Variants in NEK1 observed in about 807,000 individuals in gnomAD.
NEK1 encodes the protein serine/threonine-protein kinase Nek1.
Under a neutral mutation model 182.1 loss-of-function variants are expected in NEK1, and 137 were observed. That is an observed-to-expected ratio of 0.75 (90% CI 0.65 to 0.87). NEK1 has a LOEUF of 0.87. Ranked by LOEUF, NEK1 falls within the 40% of genes least tolerant of loss-of-function variation. The pLI, the probability that NEK1 is intolerant of heterozygous loss-of-function variation, is 0.00. For synonymous variants in NEK1, 513 were observed against 492.2 expected, an observed-to-expected ratio of 1.04 and a Z score of -0.56; for missense variants, 1,391 against 1,494.4, an observed-to-expected ratio of 0.93 and a Z score of 1.14.
rs1267472346 is a variant in NEK1 at position 169,508,412 on chromosome 4, TAAGG to T, written c.1750-85_1750-82del. On this transcript the variant is annotated intron_variant, in intron 20 of 35. Transcript: ENST00000507142. Reference sequence around the variant, plus strand: ...TTTACTGCTAGATTTTTTTTAAATTTAAGGAACAGTGTTAATTTGAACACAAGAA... The same window carrying T: ...TTTACTGCTAGATTTTTTTTAAATTTAACAGTGTTAATTTGAACACAAGAA... The T allele has an allele frequency of 1.6e-4, 178 of 1,138,690 alleles. No homozygotes were observed. In the East Asian group the frequency reaches 4.9e-3, roughly 31 times the overall value. 70.5% of individuals were successfully genotyped at this position (1,138,690 alleles called of 1,614,324 possible).
chr4:169,530,220 A>G lies in NEK1; in HGVS notation c.1665+7589T>C, dbSNP rs1250410590. 2.6e-5 allele frequency among the ~76,000 whole-genome samples: 4 copies of G among 152,262 alleles called. No individual in the cohort carries two copies. In the South Asian group the frequency reaches 6.2e-4, roughly 24 times the overall value. ...GCTATTTATACATGCAACAACTTGC[A>G]TGAATATCATTACAGTGCAGGAAAG... On this transcript the variant is annotated intron_variant, in intron 19 of 35. Coordinates refer to ENST00000507142, the MANE Select transcript of NEK1 (RefSeq NM_001199397.3).
At chr4:169,609,076 AAAG>A (rs1007052306) in intron 2 of NEK1, among the ~76,000 whole-genome samples, 12 of 151,926 alleles carry the variant, frequency 7.9e-5, no homozygotes, top group African/African-American at 2.4e-4. Context: ...AAAAAAAAAA[AAAG>A]AAGAAGAAAT....
intron 27 of NEK1, among the ~76,000 whole-genome samples, chr4:169,452,898 T>C (rs971646603): frequency 7.4e-6 from 1 of 134,776 alleles, no homozygotes; most frequent in Non-Finnish European, 1.5e-5. Flanking sequence ...ATGACATGAT[T>C]GTATATTTAA....
chr4:169,499,688 A>T (rs1189957710), intron 23 of NEK1, among the ~76,000 whole-genome samples: 2 of 152,210 alleles, frequency 1.3e-5, no homozygotes, highest in Non-Finnish European at 2.9e-5. Flanking sequence ...TTGCCTGGGT[A>T]TCAGCAGCGG....
At chr4:169,419,771 C>A (rs925024142) in intron 31 of NEK1, among the ~76,000 whole-genome samples, 2 of 152,088 alleles carry the variant, frequency 1.3e-5, no homozygotes, top group Non-Finnish European at 2.9e-5. Context: ...GCCTATTGTT[C>A]CTAGGCTACA....
chr4:169,394,369 C>G lies in NEK1; in HGVS notation c.*141G>C. The G allele has an allele frequency of 3.6e-6, 2 of 552,572 alleles. No individual in the cohort carries two copies. Among genetic ancestry groups the G allele is most frequent in the South Asian group, 5.0e-5 (2 of 40,174 alleles). 34.2% of individuals were successfully genotyped at this position (552,572 alleles called of 1,614,324 possible). A position where few individuals can be genotyped will look rare whatever the true frequency, so the allele number is the denominator to read the frequency against. On this transcript the variant is annotated 3_prime_UTR_variant, in exon 36 of 36. Transcript: ENST00000507142. ...ACTGAAAAATGGCATGTTTCTCCATCTTTTTCATGCAATAAGAAAGTCCAT... is the reference window on the plus strand; with the variant it reads ...ACTGAAAAATGGCATGTTTCTCCATGTTTTTCATGCAATAAGAAAGTCCAT...
intron 16 of NEK1, among the ~76,000 whole-genome samples, chr4:169,557,794 A>G (rs1215141848): frequency 6.6e-6 from 1 of 151,976 alleles, no homozygotes; most frequent in Non-Finnish European, 1.5e-5. Flanking sequence ...AGCCGGGCGC[A>G]GTGGCATGTG....
At position 169,477,271 on chromosome 4, in the gene NEK1, T is replaced by C; in HGVS notation, c.2287A>G (p.Thr763Ala). ...DEKGKQNLSD[T>A]FEINVHEDAK... ...TCTTCATGAACATTTATCTCAAAAG[T>C]ATCAGAGAGATTCTGCTTTCCTTTT... The change falls in exon 26 of 36, where the codon ACT becomes GCT. Residue 763 changes from threonine to alanine, a missense_variant. By Grantham distance (58) the Thr-to-Ala change is moderately conservative (BLOSUM62 0). Coordinates refer to ENST00000507142, the MANE Select transcript of NEK1 (RefSeq NM_001199397.3). The C allele has an allele frequency of 2.5e-6, 4 of 1,597,278 alleles. No individual in the cohort carries two copies. The highest frequency in any genetic ancestry group is 3.4e-6 in the Non-Finnish European group (4 of 1,170,252).
intron 21 of NEK1, 69 bp from the exon 22 acceptor site, chr4:169,507,861 A>T: frequency 8.8e-7 from 1 of 1,131,200 alleles, no homozygotes; most frequent in Non-Finnish European, 1.3e-6. Context: ...GCTCTGTGAA[A>T]GATAACAATG....
chr4:169,464,277 A>G (rs1284089909), intron 26 of NEK1, among the ~76,000 whole-genome samples: 1 of 152,222 alleles, frequency 6.6e-6, no homozygotes, highest in African/African-American at 2.4e-5. Context: ...AGAGCTGTTA[A>G]GCAACCGCAG....
At chr4:169,475,919 T>C (rs1029166028) in intron 26 of NEK1, among the ~76,000 whole-genome samples, 3 of 151,548 alleles carry the variant, frequency 2.0e-5, no homozygotes, top group African/African-American at 7.3e-5. Context: ...ACAACAAGAA[T>C]CTAAAAAATT....
chr4:169,590,842 C>T, intron 5 of NEK1, 33 bp from the exon 6 acceptor site: 1 of 1,374,720 alleles, frequency 7.3e-7, no homozygotes, highest in Non-Finnish European at 1.0e-6. Context: ...TCAAGCCTCT[C>T]TTTGACCATT....
rs1013407857 is a variant in NEK1, at chr4:169,424,630, A to C, written c.3145T>G (p.Leu1049Val). Residue 1049 changes from leucine to valine, a missense_variant, in exon 31 of 36, where the codon TTA (leucine) becomes GTA (valine). Around this residue, in one of 5 missense-constraint regions of NEK1, gnomAD observed 1,216 missense variants for 1,277.6 expected, o/e 0.95. Coordinates refer to ENST00000507142, the MANE Select transcript of NEK1 (RefSeq NM_001199397.3). ...ESFAFRSHSH[L>V]PPKNKNKNSL... Reference sequence around the variant, plus strand: ...TTCTTGTTTTTATTTTTTGGTGGTAAATGCGAGTGAGATCGAAATGCAAAG... The same window carrying C: ...TTCTTGTTTTTATTTTTTGGTGGTACATGCGAGTGAGATCGAAATGCAAAG... 1.2e-6 allele frequency: 2 copies of C among 1,613,086 alleles called. No homozygotes were observed. Among genetic ancestry groups the C allele is most frequent in the African/African-American group, 1.3e-5 (1 of 74,904 alleles).
chr4:169,443,737 C>A (rs184054245), intron 27 of NEK1, among the ~76,000 whole-genome samples: 38 of 152,072 alleles, frequency 2.5e-4, no homozygotes, highest in Admixed American at 7.9e-4. Flanking sequence ...TACAATCAGA[C>A]AGTTAAAAGT....
At chr4:169,554,880 A>G (rs1186944561) in intron 18 of NEK1, 1 of 152,210 alleles carries the variant, frequency 6.6e-6, no homozygotes, top group Admixed American at 6.5e-5. Context: ...GTCAATACAG[A>G]GGTTGTGCAT....
chr4:169,582,472 G>A (rs1766818035), intron 10 of NEK1, among the ~76,000 whole-genome samples: 1 of 152,178 alleles, frequency 6.6e-6, no homozygotes, highest in Non-Finnish European at 1.5e-5. Flanking sequence ...GTGGACAAAT[G>A]TTAAGAGCCA....
chr4:169,560,364 C>T (rs1361506731), intron 16 of NEK1, among the ~76,000 whole-genome samples: 3 of 152,204 alleles, frequency 2.0e-5, no homozygotes, highest in African/African-American at 7.2e-5. Flanking sequence ...GAGGTCATCT[C>T]TACTGTTTTG....
chr4:169,507,183 G>GTTTTTTTT, intron 22 of NEK1, 51 bp from the exon 23 acceptor site: 2 of 583,360 alleles, frequency 3.4e-6, no homozygotes, highest in Non-Finnish European at 2.5e-6. Flanking sequence ...AAGGGCAGAG[G>GTTTTTTTT]TTTTTTTTTT....
At chr4:169,396,099 C>T (rs976084893) in intron 35 of NEK1, among the ~76,000 whole-genome samples, 4 of 152,034 alleles carry the variant, frequency 2.6e-5, no homozygotes, top group Admixed American at 6.6e-5. Context: ...GGCATAGTGG[C>T]TCATGCCTGT....
Sources: gnomAD v4.1 joint callset for allele counts (sites outside exome capture counted in the v4.1 genomes callset) on GRCh38, gnomAD v4.1.1 for gene constraint, gnomAD v4.1.1 regional missense constraint, MANE v1.5 for transcripts, NCBI Gene and HGNC (gene_info 2026-07-23, HGNC 2026-07-21) for gene names.